The following KLHL5 variants were observed in gnomAD, a reference collection of about 807,000 sequenced individuals.
The protein encoded by KLHL5 is kelch-like protein 5.
A neutral mutation model predicts 77.7 loss-of-function variants in KLHL5; 48 were observed. The ratio of observed to expected loss-of-function variants is 0.62; its 90% confidence interval spans 0.49 to 0.79. The LOEUF is 0.79. Ranked by LOEUF, KLHL5 falls within the 30% of genes least tolerant of loss-of-function variation. The pLI is 0.00. For synonymous variants in KLHL5, 260 were observed against 297.0 expected (o/e 0.88, Z 1.28); for missense variants, 723 against 859.7 (o/e 0.84, Z 1.99).
At chr4:39,093,213 A>G (rs980167170) in intron 5 of KLHL5, 1 of 447,704 alleles carries the variant, frequency 2.2e-6, no homozygotes, top group African/African-American at 2.0e-5. Context: ...TACAGCAGGG[A>G]CAAGTCTCAA....
intron 1 of KLHL5, among the ~76,000 whole-genome samples, chr4:39,046,120 T>C (rs1177881972): frequency 2.0e-5 from 3 of 152,020 alleles, no homozygotes; most frequent in South Asian, 2.1e-4. Context: ...TTATGACTTA[T>C]GTGAATACTT....
At chr4:39,050,074 CAAAA>C (rs1407663260) in intron 1 of KLHL5, among the ~76,000 whole-genome samples, 1 of 151,762 alleles carries the variant, frequency 6.6e-6, no homozygotes, top group Non-Finnish European at 1.5e-5. Flanking sequence ...GACTCCATCC[CAAAA>C]ATAAATAAAT....
intron 4 of KLHL5, among the ~76,000 whole-genome samples, chr4:39,085,221 G>C (rs1411047407): frequency 6.6e-6 from 1 of 152,026 alleles, no homozygotes; most frequent in Admixed American, 6.6e-5. Context: ...GACTCATTTA[G>C]ACATCCTTGA....
At chr4:39,105,930 C>T (rs1466473491) in intron 7 of KLHL5, among the ~76,000 whole-genome samples, 1 of 152,042 alleles carries the variant, frequency 6.6e-6, no homozygotes, top group Non-Finnish European at 1.5e-5. Flanking sequence ...GTTCTTTTGG[C>T]CCCCAAGTGA....
At chr4:39,055,657 T>C (rs141238468) in intron 1 of KLHL5, among the ~76,000 whole-genome samples, 23 of 152,234 alleles carry the variant, frequency 1.5e-4, no homozygotes, top group Non-Finnish European at 1.6e-4. Flanking sequence ...TCTACAGGTT[T>C]CATCTGAAAA....
rs150252398 is a variant in KLHL5 at position 39,124,211 on chromosome 4, A to C, written c.*3145A>C. On this transcript the variant is annotated 3_prime_UTR_variant, in exon 11 of 11. Transcript: ENST00000504108. ...CTGTGCTGGCAGGTTGGAAGACTTA[A>C]CATTGTTAAGATGGCATTACTCCCA... Among the ~76,000 whole-genome samples the C allele has an allele frequency of 1.7e-4, 26 of 152,314 alleles. 1 individual carries two copies. Among genetic ancestry groups the C allele is most frequent in the African/African-American group, 5.8e-4 (24 of 41,570 alleles).
intron 9 of KLHL5, 25 bp from the exon 10 acceptor site, chr4:39,115,134 C>A: frequency 1.3e-6 from 2 of 1,587,186 alleles, no homozygotes; most frequent in East Asian, 2.2e-5. Context: ...ATAATGTCAG[C>A]TCCGGTTCTA....
chr4:39,065,245 T>G (rs1036043), intron 1 of KLHL5, among the ~76,000 whole-genome samples: 110,442 of 151,964 alleles, frequency 0.73, 40,301 homozygotes, highest in East Asian at 0.82. Context: ...ATACATTTAT[T>G]TGCCCTCAGC....
chr4:39,141,627 G>A, the KLHL5 span, among the ~76,000 whole-genome samples: 1 of 151,938 alleles, frequency 6.6e-6, no homozygotes, highest in Admixed American at 6.6e-5. Context: ...TTAGTCTTGA[G>A]ACAGGGTTGA....
intron 1 of KLHL5, among the ~76,000 whole-genome samples, chr4:39,056,716 T>C (rs1328654172): frequency 6.6e-6 from 1 of 152,208 alleles, no homozygotes; most frequent in Non-Finnish European, 1.5e-5. Context: ...TTGCTTGATA[T>C]ATAATTAAAA....
intron 10 of KLHL5, among the ~76,000 whole-genome samples, chr4:39,118,059 TAA>T (rs35309110): frequency 1.7e-4 from 22 of 126,108 alleles, no homozygotes; most frequent in Admixed American, 3.2e-4. Flanking sequence ...AGACTCCATC[TAA>T]AAAAAAAAAA....
upstream of KLHL5, among the ~76,000 whole-genome samples, chr4:39,058,225 C>T (rs1340439522): frequency 6.6e-6 from 1 of 152,078 alleles, no homozygotes; most frequent in Non-Finnish European, 1.5e-5. Flanking sequence ...TTTGAAAAGA[C>T]ATCTGTTTAG....
chr4:39,115,493 A>G, intron 10 of KLHL5, 163 bp downstream of exon 10: 1 of 1,493,456 alleles, frequency 6.7e-7, no homozygotes, highest in Non-Finnish European at 8.9e-7. Context: ...GTTTAATTTT[A>G]TAACATAATT....
chr4:39,057,512 T>C (rs1375226653), upstream of KLHL5, among the ~76,000 whole-genome samples: 1 of 152,204 alleles, frequency 6.6e-6, no homozygotes, highest in African/African-American at 2.4e-5. Context: ...TCATACATTT[T>C]TAAGTGTTAG....
intron 10 of KLHL5, 130 bp downstream of exon 10, chr4:39,115,460 T>A: frequency 6.6e-7 from 1 of 1,526,562 alleles, no homozygotes; most frequent in Non-Finnish European, 8.8e-7. Flanking sequence ...ACGTTTTGAT[T>A]AGCGATGAGA....
At chr4:39,103,172 A>G in intron 6 of KLHL5, 115 bp from the exon 7 acceptor site, 1 of 832,886 alleles carries the variant, frequency 1.2e-6, no homozygotes, top group Non-Finnish European at 1.9e-6. Context: ...CATGAAATAT[A>G]ATAAAATTAT....
rs1723370040 is a variant in KLHL5, at chr4:39,123,929, TA to T, written c.*2864del. Among the ~76,000 whole-genome samples the T allele has an allele frequency of 6.6e-6, 1 of 152,150 alleles. No homozygotes were observed. The highest frequency in any genetic ancestry group is 2.4e-5 in the African/African-American group (1 of 41,440). On this transcript the variant is annotated 3_prime_UTR_variant, in exon 11 of 11. Coordinates refer to ENST00000504108, the MANE Select transcript of KLHL5 (RefSeq NM_015990.5). ...CATTTGCAGAAAACATGGTCCTATA[TA>T]TTAAAAATCCTAAAGAATCCACAAA... is the stretch of plus-strand genomic sequence containing the variant.
intron 10 of KLHL5, among the ~76,000 whole-genome samples, chr4:39,116,486 G>C (rs943009021): frequency 3.9e-5 from 6 of 152,076 alleles, no homozygotes; most frequent in Admixed American, 3.3e-4. Context: ...AGTGATACGG[G>C]AGATAAGAGA....
chr4:39,106,254 C>T (rs1722029431), intron 7 of KLHL5, among the ~76,000 whole-genome samples: 1 of 152,192 alleles, frequency 6.6e-6, no homozygotes, highest in South Asian at 2.1e-4. Context: ...TCTGCCTCAC[C>T]TTCTCTTTCC....
Sources: gnomAD v4.1 joint callset for allele counts (sites outside exome capture counted in the v4.1 genomes callset) on GRCh38, gnomAD v4.1.1 for gene constraint, MANE v1.5 for transcripts, NCBI Gene and HGNC (gene_info 2026-07-23, HGNC 2026-07-21) for gene names.